Variants in RASA1 observed in about 807,000 individuals in gnomAD.
The protein encoded by RASA1 is RAS p21 protein activator 1.
Under a neutral mutation model 132.2 loss-of-function variants are expected in RASA1, and 25 were observed. The observed-to-expected ratio is 0.19, with a 90% CI of 0.14 to 0.26. The LOEUF (loss-of-function observed/expected upper bound fraction) is 0.26, where lower values mean the gene tolerates loss of function less well. Ranked by LOEUF, RASA1 falls within the 10% of genes least tolerant of loss-of-function variation. RASA1 has a pLI of 1.00. For synonymous variants in RASA1, 477 were observed against 449.9 expected (o/e 1.06, Z -0.76); for missense variants, 964 against 1,299.2 (o/e 0.74, Z 3.97).
Position 87,378,475 on chromosome 5 carries a change from G to A in RASA1, c.2424G>A (p.Gln808=), listed in dbSNP as rs1761470508. 1.2e-6 allele frequency: 2 copies of A among 1,612,392 alleles called. No homozygotes were observed. Among genetic ancestry groups the A allele is most frequent in the East Asian group, 2.2e-5 (1 of 44,816 alleles). Residue 808 remains glutamine (Q), a synonymous_variant, in exon 18 of 25, where the codon CAG becomes CAA. Coordinates refer to ENST00000274376, the MANE Select transcript of RASA1 (RefSeq NM_002890.3). ...AGTATATGAAAGCCACTGCTACACA[G>A]TTTGTTCATCATGCTTTGAAAGACT... ...MEQYMKATAT[Q]FVHHALKDSI...
chr5:87,351,397 A>G (rs765410879), intron 8 of RASA1, among the ~76,000 whole-genome samples: 18 of 151,792 alleles, frequency 1.2e-4, no homozygotes, highest in Non-Finnish European at 2.2e-4. Context: ...ATGGGAATCA[A>G]TAAATGAGAG....
chr5:87,387,094 CTAAA>C (rs1403745603), intron 23 of RASA1, among the ~76,000 whole-genome samples, 191 bp downstream of exon 23: 1 of 152,124 alleles, frequency 6.6e-6, no homozygotes, highest in Non-Finnish European at 1.5e-5. Context: ...TATTCTTACA[CTAAA>C]TAGTTTACAC....
At chr5:87,360,886 TC>T (rs1340495005) in intron 9 of RASA1, among the ~76,000 whole-genome samples, 1 of 152,234 alleles carries the variant, frequency 6.6e-6, no homozygotes, top group Non-Finnish European at 1.5e-5. Context: ...TCAGTTTTTT[TC>T]TCTTTATCAT....
intron 1 of RASA1, among the ~76,000 whole-genome samples, chr5:87,289,911 A>G (rs1754842830): frequency 6.6e-6 from 1 of 151,806 alleles, no homozygotes; most frequent in Non-Finnish European, 1.5e-5. Context: ...GCCTGGCTTA[A>G]TTTTGTTGTT....
At position 87,346,575 on chromosome 5, in the gene RASA1, CTT is replaced by C. The variant is rs547869592; in HGVS notation, c.1050-95_1050-94del. On this transcript the variant is annotated intron_variant, in intron 6 of 24. Coordinates refer to ENST00000274376, the MANE Select transcript of RASA1 (RefSeq NM_002890.3). ...TTGATTAATTGCATTTATTTTATCA[CTT>C]TGAATTAAACTTACTATATTGGTTG... The C allele has an allele frequency of 1.2e-3, 798 of 677,046 alleles. 4 individuals are homozygous for C. The African/African-American group carries it at 0.013, about 11-fold the overall frequency. The allele number at this position is 677,046 out of a possible 1,614,324, so 41.9% of individuals were successfully genotyped here. A position where few individuals can be genotyped will look rare whatever the true frequency, so the allele number is the denominator to read the frequency against.
intron 6 of RASA1, among the ~76,000 whole-genome samples, chr5:87,342,725 C>T (rs565286769): frequency 1.3e-5 from 2 of 152,118 alleles, no homozygotes; most frequent in East Asian, 1.9e-4. Context: ...AAAGTGTTTG[C>T]CTATTGTAAG....
intron 5 of RASA1, among the ~76,000 whole-genome samples, chr5:87,339,880 C>T (rs1269309119): frequency 6.6e-6 from 1 of 151,990 alleles, no homozygotes; most frequent in East Asian, 1.9e-4. Context: ...ATTGAAAAAC[C>T]ATTTGGACAT....
At chr5:87,346,563 T>C (rs967304929) in intron 6 of RASA1, 109 bp from the exon 7 acceptor site, 9 of 613,380 alleles carry the variant, frequency 1.5e-5, no homozygotes, top group Non-Finnish European at 2.3e-5. Context: ...ATTAATTGCA[T>C]TTATTTTATC....
At chr5:87,337,399 C>A (rs1758052687) in intron 4 of RASA1, among the ~76,000 whole-genome samples, 1 of 151,858 alleles carries the variant, frequency 6.6e-6, no homozygotes, top group African/African-American at 2.4e-5. Context: ...AATGCTGTAC[C>A]CATTGGATAA....
At chr5:87,280,743 T>C (rs761666292) in intron 1 of RASA1, among the ~76,000 whole-genome samples, 1 of 151,914 alleles carries the variant, frequency 6.6e-6, no homozygotes, top group Non-Finnish European at 1.5e-5. Flanking sequence ...TATTGTAACA[T>C]GTGTCAGAAT....
intron 19 of RASA1, 55 bp downstream of exon 19, chr5:87,379,905 T>A: frequency 6.5e-7 from 1 of 1,546,882 alleles, no homozygotes; most frequent in Non-Finnish European, 8.9e-7. Flanking sequence ...TCTTCAGAAA[T>A]TTCTATTTCT....
In RASA1 at chr5:87,377,053, C is replaced by T. The variant is rs1314481491; in HGVS notation, c.2344+13C>T. The T allele has an allele frequency of 1.9e-6, 3 of 1,609,810 alleles. No individual in the cohort carries two copies. Among genetic ancestry groups the T allele is most frequent in the Non-Finnish European group, 1.7e-6 (2 of 1,176,474 alleles). On this transcript the variant is annotated intron_variant, in intron 17 of 24. Transcript: ENST00000274376. The stretch of plus-strand genomic sequence containing the variant: ...ATAAGCATGGAAGGTATGGTATGGC[C>T]ATGTTAGTGTGATACAAGAAACTGG...
At chr5:87,316,467 C>T (rs1327513084) in intron 1 of RASA1, among the ~76,000 whole-genome samples, 1 of 152,168 alleles carries the variant, frequency 6.6e-6, no homozygotes, top group Non-Finnish European at 1.5e-5. Context: ...AAAGGTTCTT[C>T]TTCATTTTTC....
Position 87,376,523 on chromosome 5 carries a change from G to T in RASA1, c.2142G>T (p.Met714Ile). ...GSLRVRARYS[M>I]EKIMPEEEYS... ...TGCGTGTTCGAGCACGATACTCTAT[G>T]GAAAAAATCATGCCAGAAGAAGAGT... The change falls in exon 16 of 25, where the codon ATG becomes ATT. Residue 714 changes from methionine to isoleucine, a missense_variant. Physicochemically the swap from Met to Ile is conservative, Grantham distance 10. This residue lies in a region of RASA1 where 346 missense variants were observed against 520.1 expected (regional missense o/e 0.67). Coordinates refer to ENST00000274376, the MANE Select transcript of RASA1 (RefSeq NM_002890.3). The T allele has an allele frequency of 6.2e-7, 1 of 1,613,902 alleles. No homozygotes were observed. Among genetic ancestry groups the T allele is most frequent in the Non-Finnish European group, 8.5e-7 (1 of 1,179,932 alleles).
At chr5:87,280,727 A>C (rs1029452222) in intron 1 of RASA1, among the ~76,000 whole-genome samples, 3 of 152,046 alleles carry the variant, frequency 2.0e-5, no homozygotes, top group African/African-American at 7.2e-5. Context: ...CAAGAGGTTC[A>C]ACCCATATTG....
chr5:87,324,877 A>G (rs1757108307), intron 1 of RASA1, among the ~76,000 whole-genome samples: 1 of 152,180 alleles, frequency 6.6e-6, no homozygotes, highest in South Asian at 2.1e-4. Context: ...AAAAAGGCCA[A>G]GTAAAGTCAC....
At chr5:87,276,743 T>C (rs536425788) in intron 1 of RASA1, among the ~76,000 whole-genome samples, 98 of 152,276 alleles carry the variant, frequency 6.4e-4, no homozygotes, top group African/African-American at 2.3e-3. Flanking sequence ...TCATTTAGGA[T>C]TATTACAGTG....
chr5:87,277,187 T>A (rs1361603409), intron 1 of RASA1, among the ~76,000 whole-genome samples: 1 of 152,162 alleles, frequency 6.6e-6, no homozygotes, highest in Non-Finnish European at 1.5e-5. Context: ...ATGTAAATAC[T>A]ATGCTTTTTA....
At chr5:87,329,830 CAT>C (rs781029485) in intron 1 of RASA1, among the ~76,000 whole-genome samples, 3 of 152,136 alleles carry the variant, frequency 2.0e-5, no homozygotes, top group Admixed American at 1.3e-4. Context: ...TAAATAAACT[CAT>C]AGCCTGAAAT....
Sources: gnomAD v4.1 joint callset for allele counts (sites outside exome capture counted in the v4.1 genomes callset) on GRCh38, gnomAD v4.1.1 for gene constraint, gnomAD v4.1.1 regional missense constraint, MANE v1.5 for transcripts, NCBI Gene and HGNC (gene_info 2026-07-23, HGNC 2026-07-21) for gene names.